Variants in CASS4 observed in about 807,000 individuals in gnomAD.
The protein encoded by CASS4 is Cas scaffold protein family member 4.
A neutral mutation model predicts 54.2 loss-of-function variants in CASS4; 22 were observed. The observed-to-expected ratio is 0.41, with a 90% CI of 0.29 to 0.58. The LOEUF is 0.58. CASS4 is among the 20% of genes least tolerant of loss of function. The pLI, the probability that CASS4 is intolerant of heterozygous loss-of-function variation, is 0.36. For synonymous variants in CASS4, 409 were observed against 391.5 expected (o/e 1.04, Z -0.53); for missense variants, 854 against 986.7 (o/e 0.87, Z 1.80).
chr20:56,419,286 C>T lies in CASS4; in HGVS notation c.36+6792C>T, dbSNP rs534626038. 3.3e-5 allele frequency among the ~76,000 whole-genome samples: 5 copies of T among 152,260 alleles called. No individual in the cohort carries two copies. In the East Asian group the frequency reaches 9.6e-4, roughly 29 times the overall value. On this transcript the variant is annotated intron_variant, in intron 1 of 5. Transcript: ENST00000679887. ...AAAAGGAAATACATTTTTTAGGAAC[C>T]ATTTCCAAACATAACGCCTATGAAG...
intron 2 of CASS4, among the ~76,000 whole-genome samples, chr20:56,442,991 A>T (rs1428396872): frequency 6.6e-6 from 1 of 151,772 alleles, no homozygotes; most frequent in Non-Finnish European, 1.5e-5. Context: ...GGGATCCCAC[A>T]GTCAGCCATC....
chr20:56,450,691 G>A lies in CASS4; in HGVS notation c.642+12G>A. 5 of 1,613,214 alleles carry A rather than the reference G, an allele frequency of 3.1e-6. No individual in the cohort carries two copies. The highest frequency in any genetic ancestry group is 4.2e-6 in the Non-Finnish European group (5 of 1,179,244). Reference sequence around the variant, plus strand: ...ACAGCCAAGCAAGTGTAAGTATGAAGAGGTGCTAAGGTGCGGTGTTATGAA... The same window carrying A: ...ACAGCCAAGCAAGTGTAAGTATGAAAAGGTGCTAAGGTGCGGTGTTATGAA... On this transcript the variant is annotated intron_variant, in intron 4 of 5. Coordinates refer to ENST00000679887, the MANE Select transcript of CASS4 (RefSeq NM_020356.4).
intron 1 of CASS4, among the ~76,000 whole-genome samples, chr20:56,429,832 T>C (rs757580413): frequency 4.6e-5 from 7 of 152,250 alleles, no homozygotes; most frequent in Non-Finnish European, 1.0e-4. Context: ...ACTGCACTTA[T>C]AATTTTTCAT....
At chr20:56,436,846 C>T (rs1980196660) in intron 1 of CASS4, among the ~76,000 whole-genome samples, 2 of 152,026 alleles carry the variant, frequency 1.3e-5, no homozygotes, top group Non-Finnish European at 2.9e-5. Context: ...AAGATTTCAC[C>T]GCTGCACTCC....
chr20:56,458,326 C>T lies in CASS4; in HGVS notation c.1954-14C>T, dbSNP rs954933600. On this transcript the variant is annotated splice_polypyrimidine_tract_variant and intron_variant, in intron 5 of 5. Transcript: ENST00000679887. ...ATTGAATCTCCTATCTATTTTCTTC[C>T]TTCCCTTCTTTAGAATCCTGGCCCT... The T allele has an allele frequency of 1.1e-5, 17 of 1,596,082 alleles. No individual in the cohort carries two copies. Among genetic ancestry groups the T allele is most frequent in the Non-Finnish European group, 1.4e-5 (16 of 1,165,530 alleles).
chr20:56,445,466 G>C (rs1022430430), intron 2 of CASS4, among the ~76,000 whole-genome samples: 4 of 152,176 alleles, frequency 2.6e-5, no homozygotes, highest in Non-Finnish European at 5.9e-5. Flanking sequence ...CACTTCTCCA[G>C]CCTCAGCCTA....
At position 56,458,870 on chromosome 20, in the gene CASS4, C is replaced by T. The variant is rs760678234; in HGVS notation, c.*123C>T. On this transcript the variant is annotated 3_prime_UTR_variant, in exon 6 of 6. Transcript: ENST00000679887. ...CCAATGAGCTGAAACAGACCTGGTGCCCAAAGCTGGTAGTACCAAGTGGCT... is the reference window on the plus strand; with the variant it reads ...CCAATGAGCTGAAACAGACCTGGTGTCCAAAGCTGGTAGTACCAAGTGGCT... The T allele has an allele frequency of 5.3e-5, 55 of 1,042,656 alleles. No homozygotes were observed. The highest frequency in any genetic ancestry group is 1.2e-4 in the South Asian group (7 of 58,896). The allele number at this position is 1,042,656 out of a possible 1,614,324, so 64.6% of individuals were successfully genotyped here. A position where few individuals can be genotyped will look rare whatever the true frequency, so the allele number is the denominator to read the frequency against.
chr20:56,421,028 C>T (rs1979386188), intron 1 of CASS4, among the ~76,000 whole-genome samples: 2 of 152,158 alleles, frequency 1.3e-5, no homozygotes, highest in Admixed American at 1.3e-4. Context: ...CCTGAAGCAC[C>T]TCTAAAAATG....
chr20:56,435,815 A>T (rs1980124709), intron 1 of CASS4, among the ~76,000 whole-genome samples: 1 of 152,070 alleles, frequency 6.6e-6, no homozygotes, highest in Non-Finnish European at 1.5e-5. Flanking sequence ...CAGTGGCATG[A>T]TCTCGGCTCA....
intron 1 of CASS4, among the ~76,000 whole-genome samples, chr20:56,433,105 C>G (rs1979993934): frequency 6.6e-6 from 1 of 152,222 alleles, no homozygotes; most frequent in African/African-American, 2.4e-5. Flanking sequence ...GGGTGTGGCC[C>G]TCGCTCTCCT....
Position 56,449,458 on chromosome 20 carries a change from A to G in CASS4, c.562-1141A>G, listed in dbSNP as rs1487113448. On this transcript the variant is annotated intron_variant, in intron 3 of 5. Transcript: ENST00000679887. The stretch of plus-strand genomic sequence containing the variant: ...GGAACATCACACACCGGGGCCTGTC[A>G]TGGGGTAGGGGGAGTAGGGGGAGGG... Among the ~76,000 whole-genome samples the G allele has an allele frequency of 4.0e-5, 6 of 151,456 alleles. No homozygotes were observed. In the East Asian group the frequency reaches 5.9e-4, roughly 15 times the overall value.
intron 2 of CASS4, among the ~76,000 whole-genome samples, chr20:56,445,016 A>G (rs1980637904): frequency 6.6e-6 from 1 of 152,114 alleles, no homozygotes; most frequent in African/African-American, 2.4e-5. Context: ...AGGCTGAGGC[A>G]GGAGAATCGC....
chr20:56,447,474 A>G (rs1052840576), intron 3 of CASS4, among the ~76,000 whole-genome samples: 2 of 152,226 alleles, frequency 1.3e-5, no homozygotes, highest in Non-Finnish European at 2.9e-5. Flanking sequence ...AGAGGCAGGC[A>G]GGGACAAAGG....
chr20:56,419,317 G>T (rs967382734), intron 1 of CASS4, among the ~76,000 whole-genome samples: 5 of 152,204 alleles, frequency 3.3e-5, no homozygotes, highest in Non-Finnish European at 7.3e-5. Flanking sequence ...TGAAGTGTTT[G>T]TTCAGGGGAA....
At chr20:56,421,338 A>C (rs895385050) in intron 1 of CASS4, among the ~76,000 whole-genome samples, 1 of 152,164 alleles carries the variant, frequency 6.6e-6, no homozygotes, top group African/African-American at 2.4e-5. Flanking sequence ...TTTTACCTAA[A>C]AAATTGTAGT....
At chr20:56,420,452 TATC>T (rs547676499) in intron 1 of CASS4, among the ~76,000 whole-genome samples, 30 of 152,170 alleles carry the variant, frequency 2.0e-4, no homozygotes, top group East Asian at 3.9e-4. Context: ...GCAGTGGCGT[TATC>T]ATAGTTCACT....
At chr20:56,446,068 C>T in intron 3 of CASS4, 67 bp downstream of exon 3, 1 of 1,044,068 alleles carries the variant, frequency 9.6e-7, no homozygotes, top group Non-Finnish European at 1.4e-6. Flanking sequence ...TTCTTGGGAT[C>T]ATGCCCACAT....
chr20:56,437,396 C>T lies in CASS4; in HGVS notation c.269C>T (p.Ala90Val), dbSNP rs1368576244. ...CPPFLRGLEEAPASSEETYQV... is the reference protein window; with the variant it reads ...CPPFLRGLEEVPASSEETYQV... ...CCATTCCTGAGAGGCCTGGAAGAAG[C>T]TCCTGCCAGCTCAGAGGAGACCTAT... The change falls in exon 2 of 6, where the codon GCT becomes GTT. Residue 90 changes from alanine to valine, a missense_variant. Coordinates refer to ENST00000679887, the MANE Select transcript of CASS4 (RefSeq NM_020356.4). This position sits in a 1 kb window ranked among gnomAD's most constrained non-coding sequence, Gnocchi z 4.7. 6.2e-7 allele frequency: 1 copy of T among 1,614,068 alleles called. No individual in the cohort carries two copies. The highest frequency in any genetic ancestry group is 8.5e-7 in the Non-Finnish European group (1 of 1,179,920).
chr20:56,440,447 C>T (rs1980402184), intron 2 of CASS4, among the ~76,000 whole-genome samples: 1 of 152,166 alleles, frequency 6.6e-6, no homozygotes, highest in Admixed American at 6.5e-5. Flanking sequence ...GTTGGTTGAC[C>T]AGAGGACCCT....
Sources: allele counts gnomAD v4.1 joint callset (sites outside exome capture counted in the v4.1 genomes callset), GRCh38; gene constraint gnomAD v4.1.1; non-coding constraint Gnocchi (gnomAD v3.1); transcripts MANE v1.5; gene names NCBI Gene and HGNC (gene_info 2026-07-23, HGNC 2026-07-21).